Variants in CEACAM3 observed in about 807,000 individuals in gnomAD.
CEACAM3 encodes the protein cell adhesion molecule CEACAM3.
In CEACAM3, 32 loss-of-function variants were observed where a neutral mutation model predicts 30.1. The observed-to-expected ratio is 1.06, with a 90% CI of 0.80 to 1.43. The LOEUF is 1.43. Ranked by LOEUF, CEACAM3 falls within the 40% of genes most tolerant of loss-of-function variation. The pLI is 0.00. For synonymous variants in CEACAM3, 134 were observed against 127.2 expected, an observed-to-expected ratio of 1.05 and a Z score of -0.36; for missense variants, 290 against 316.3, an observed-to-expected ratio of 0.92 and a Z score of 0.63.
rs782331494 is a variant in CEACAM3, at chr19:41,796,663, C to T, written c.-15C>T. ...CTCTTTTCCACAGAGGAGGAAAGAG[C>T]AGGCAGCAGAGACCATGGGGCCCCC... On this transcript the variant is annotated 5_prime_UTR_variant, in exon 1 of 7. Transcript: ENST00000357396. The T allele has an allele frequency of 1.9e-6, 3 of 1,614,066 alleles. No individual in the cohort carries two copies. Among genetic ancestry groups the T allele is most frequent in the Non-Finnish European group, 2.5e-6 (3 of 1,179,916 alleles).
chr19:41,810,015 C>A lies in CEACAM3; in HGVS notation c.593C>A (p.Pro198His), dbSNP rs555641758. 2.5e-6 allele frequency: 4 copies of A among 1,613,874 alleles called. No individual in the cohort carries two copies. In the East Asian group the frequency reaches 8.9e-5, roughly 36 times the overall value. The change falls in exon 4 of 7, where the codon CCT becomes CAT. Residue 198 changes from proline to histidine, a missense_variant and splice_region_variant. Pro to His is a moderately conservative substitution (Grantham distance 77, BLOSUM62 -2). Coordinates refer to ENST00000357396, the MANE Select transcript of CEACAM3 (RefSeq NM_001815.5). ...LKEQQPQALAPGRGPSHSSAF... is the reference protein window; with the variant it reads ...LKEQQPQALAHGRGPSHSSAF... ...GAGCAGCAGCCCCAAGCCCTTGCCCCTGGTGAGTGTCCTCTCAGCCCAGGT... is the reference window on the plus strand; with the variant it reads ...GAGCAGCAGCCCCAAGCCCTTGCCCATGGTGAGTGTCCTCTCAGCCCAGGT...
chr19:41,810,468 C>A (rs2073240185), intron 5 of CEACAM3, 114 bp downstream of exon 5: 3 of 1,217,262 alleles, frequency 2.5e-6, no homozygotes, highest in African/African-American at 1.5e-5. Context: ...CCAAAACACA[C>A]AGGACAAGGC....
chr19:41,807,215 C>T, intron 2 of CEACAM3: 2 of 1,609,746 alleles, frequency 1.2e-6, no homozygotes, highest in Non-Finnish European at 1.7e-6. Context: ...CACAACCTGC[C>T]TGTAGTGGGT....
At position 41,805,995 on chromosome 19, in the gene CEACAM3, G is replaced by GTT. The variant is rs201681891; in HGVS notation, c.425-2817_425-2816dup. 3.7e-3 allele frequency among the ~76,000 whole-genome samples: 507 copies of GTT among 138,852 alleles called. 1 individual carries two copies. The highest frequency in any genetic ancestry group is 0.015 in the African/African-American group (490 of 32,638). 91.1% of individuals were successfully genotyped at this position (138,852 alleles called of 152,430 possible). Reference sequence around the variant, plus strand: ...TCTAAGTTGGGATTCTACTCTTCCTGTTGTTGTTGTTTGTTGTTGTTGTTG... The same window carrying GTT: ...TCTAAGTTGGGATTCTACTCTTCCTGTTTTGTTGTTGTTTGTTGTTGTTGTTG... On this transcript the variant is annotated intron_variant, in intron 2 of 6. Transcript: ENST00000357396.
At chr19:41,798,244 A>G (rs557760336) in intron 2 of CEACAM3, among the ~76,000 whole-genome samples, 28 of 152,226 alleles carry the variant, frequency 1.8e-4, no homozygotes, top group Admixed American at 7.8e-4. Context: ...ACCTGACCCT[A>G]AGAAAGACCC....
In CEACAM3 at chr19:41,797,887, C is replaced by G; in HGVS notation, c.363C>G (p.Thr121=). ...CCCAGAATGACATAGGATTCTACAC[C>G]CTACAAGTCATAAAGTCAGATCTTG... The part of the protein sequence containing the change: ...NVTQNDIGFY[T]LQVIKSDLVN... The change falls in exon 2 of 7, where the codon ACC becomes ACG. Residue 121 remains threonine, a synonymous_variant. Coordinates refer to ENST00000357396, the MANE Select transcript of CEACAM3 (RefSeq NM_001815.5). 1.2e-6 allele frequency: 2 copies of G among 1,613,696 alleles called. No individual in the cohort carries two copies. The highest frequency in any genetic ancestry group is 1.7e-6 in the Non-Finnish European group (2 of 1,179,856).
intron 2 of CEACAM3, among the ~76,000 whole-genome samples, chr19:41,805,724 A>G (rs2073193251): frequency 6.6e-6 from 1 of 152,218 alleles, no homozygotes; most frequent in African/African-American, 2.4e-5. Flanking sequence ...ATTTGCAAAG[A>G]TTCTTCCCAA....
rs782581482 is a variant in CEACAM3 at position 41,797,804 on chromosome 19, G to T, written c.280G>T (p.Ala94Ser). ...AACTCAACAAGCTACCCCAGGGGCC[G>T]CATACAGCGGTCGAGAGACAATATA... ...IGTQQATPGA[A>S]YSGRETIYTN... The change falls in exon 2 of 7, where the codon GCA becomes TCA. Residue 94 changes from alanine (A) to serine (S), a missense_variant. Ala to Ser is a moderately conservative substitution (Grantham distance 99). Transcript: ENST00000357396. 1.9e-6 allele frequency: 3 copies of T among 1,612,282 alleles called. No individual in the cohort carries two copies. The East Asian group carries it at 6.7e-5, about 36-fold the overall frequency.
At chr19:41,805,396 A>G (rs2073190827) in intron 2 of CEACAM3, among the ~76,000 whole-genome samples, 1 of 149,612 alleles carries the variant, frequency 6.7e-6, no homozygotes, top group South Asian at 2.1e-4. Flanking sequence ...GGTTCAAGCA[A>G]TTCTCCCTAG....
chr19:41,798,807 A>G (rs1394577115), intron 2 of CEACAM3, among the ~76,000 whole-genome samples: 4 of 152,198 alleles, frequency 2.6e-5, no homozygotes, highest in African/African-American at 9.7e-5. Context: ...AAATATTTTG[A>G]GATTAATTCA....
At chr19:41,805,783 C>T (rs1555826650) in intron 2 of CEACAM3, among the ~76,000 whole-genome samples, 1 of 152,248 alleles carries the variant, frequency 6.6e-6, no homozygotes, top group African/African-American at 2.4e-5. Context: ...GACCAGATTG[C>T]CAGCAGCTTC....
Position 41,796,715 on chromosome 19 carries a change from T to C in CEACAM3, c.38T>C (p.Ile13Thr). ...PPSASPHRECIPWQGLLLTAS... is the reference protein window; with the variant it reads ...PPSASPHRECTPWQGLLLTAS... The stretch of plus-strand genomic sequence containing the variant: ...TCAGCCTCTCCCCACAGAGAATGCA[T>C]CCCCTGGCAGGGGCTTCTGCTCACA... Residue 13 changes from isoleucine to threonine, a missense_variant, in exon 1 of 7, where the codon ATC becomes ACC. Transcript: ENST00000357396. The C allele has an allele frequency of 6.2e-7, 1 of 1,613,772 alleles. No homozygotes were observed. Among genetic ancestry groups the C allele is most frequent in the Non-Finnish European group, 8.5e-7 (1 of 1,179,822 alleles).
chr19:41,803,456 G>GTTA (rs1600518056), intron 2 of CEACAM3, among the ~76,000 whole-genome samples: 1 of 88,644 alleles, frequency 1.1e-5, no homozygotes, highest in Non-Finnish European at 2.9e-5. Flanking sequence ...GTGTGTGTGT[G>GTTA]TGTTGTTTTG....
chr19:41,807,337 A>G (rs2073211483), intron 2 of CEACAM3: 1 of 1,607,056 alleles, frequency 6.2e-7, no homozygotes. Flanking sequence ...AGTGTGAAAT[A>G]CCGAACCCAG....
intron 2 of CEACAM3, chr19:41,807,367 C>A: frequency 2.5e-6 from 4 of 1,604,944 alleles, no homozygotes; most frequent in Non-Finnish European, 2.6e-6. Flanking sequence ...GCTACAGTGA[C>A]CCAGTCACGC....
chr19:41,796,588 G>A lies in CEACAM3; in HGVS notation c.-90G>A. The A allele has an allele frequency of 2.0e-6, 3 of 1,478,682 alleles. No homozygotes were observed. The highest frequency in any genetic ancestry group is 2.8e-6 in the Non-Finnish European group (3 of 1,061,420). The allele number at this position is 1,478,682 out of a possible 1,614,324, so 91.6% of individuals were successfully genotyped here. A position where few individuals can be genotyped will look rare whatever the true frequency, so the allele number is the denominator to read the frequency against. On this transcript the variant is annotated 5_prime_UTR_variant, in exon 1 of 7. Transcript: ENST00000357396. ...GCTCAGCATGGAAAGAGGAAGGACA[G>A]CAGAGCCTAAGTCACAGTAGCCCTG...
rs1419877753 is a variant in CEACAM3 at position 41,811,181 on chromosome 19, A to G, written c.703A>G (p.Lys235Glu). 3.7e-6 allele frequency: 6 copies of G among 1,613,974 alleles called. No individual in the cohort carries two copies. The African/African-American group carries it at 6.7e-5, about 18-fold the overall frequency. ...TAASIYEELL[K>E]HDTNIYCRMD... The stretch of plus-strand genomic sequence containing the variant: ...TTCTCTGTTTTAACAGGAATTGCTA[A>G]AACATGACACAAACATTTACTGCCG... The change falls in exon 7 of 7, where the codon AAA (lysine) becomes GAA (glutamate). Residue 235 changes from lysine (K) to glutamate (E), a missense_variant. Lys to Glu is a moderately conservative substitution (Grantham distance 56). Transcript: ENST00000357396.
intron 2 of CEACAM3, chr19:41,807,387 T>A: frequency 1.8e-6 from 1 of 561,788 alleles, no homozygotes; most frequent in Non-Finnish European, 2.5e-6. Flanking sequence ...CTGAATGTCC[T>A]CTGTATCTTC....
chr19:41,807,212 T>C (rs782329280), intron 2 of CEACAM3: 2 of 1,609,766 alleles, frequency 1.2e-6, no homozygotes, highest in East Asian at 4.5e-5. Flanking sequence ...CAGCACAACC[T>C]GCCTGTAGTG....
Sources: gnomAD v4.1 joint callset for allele counts (sites outside exome capture counted in the v4.1 genomes callset) on GRCh38, gnomAD v4.1.1 for gene constraint, MANE v1.5 for transcripts, NCBI Gene and HGNC (gene_info 2026-07-23, HGNC 2026-07-21) for gene names.